ZBTB17: variants seen among roughly 807,000 people sequenced by gnomAD.
The protein encoded by ZBTB17 is zinc finger and BTB domain containing 17.
In ZBTB17, 24 loss-of-function variants were observed where a neutral mutation model predicts 85.1. That is an observed-to-expected ratio of 0.28 (90% CI 0.20 to 0.40). The LOEUF is 0.40. Ranked by LOEUF, ZBTB17 falls within the 10% of genes least tolerant of loss-of-function variation. The pLI is 1.00. For missense variants in ZBTB17, 743 were observed against 1,105.1 expected (o/e 0.67, Z 4.65); for synonymous variants, 464 against 460.2 (o/e 1.01, Z -0.11).
intron 2 of ZBTB17, among the ~76,000 whole-genome samples, chr1:15,967,359 G>A (rs2072480280): frequency 1.3e-5 from 2 of 151,758 alleles, no homozygotes; most frequent in African/African-American, 4.8e-5. Flanking sequence ...CTTGGCCACA[G>A]AGCAAGGCCC....
At chr1:15,963,971 T>G (rs2072349719) in intron 2 of ZBTB17, among the ~76,000 whole-genome samples, 1 of 150,188 alleles carries the variant, frequency 6.7e-6, no homozygotes, top group Non-Finnish European at 1.5e-5. Flanking sequence ...AAAGTAAAAA[T>G]TAGCAGGGTG....
At chr1:15,960,769 G>C (rs187838307) in intron 2 of ZBTB17, among the ~76,000 whole-genome samples, 12 of 152,356 alleles carry the variant, frequency 7.9e-5, no homozygotes, top group African/African-American at 2.9e-4. Flanking sequence ...AAAAAAGCAG[G>C]TTAAGTAAGA....
At chr1:15,949,975 T>TGCC (rs2071771574) in intron 2 of ZBTB17, among the ~76,000 whole-genome samples, 1 of 152,238 alleles carries the variant, frequency 6.6e-6, no homozygotes. Context: ...TTGCTGCTGC[T>TGCC]GCCAGAGGCC....
intron 2 of ZBTB17, among the ~76,000 whole-genome samples, 163 bp downstream of exon 2, chr1:15,972,876 G>A (rs1201424756): frequency 6.6e-6 from 1 of 152,140 alleles, no homozygotes; most frequent in African/African-American, 2.4e-5. Context: ...AACAATAATA[G>A]TAAGATCAAC....
Position 15,941,916 on chromosome 1 carries a change from C to G in ZBTB17, c.*53G>C. The G allele has an allele frequency of 6.5e-7, 1 of 1,549,760 alleles. No individual in the cohort carries two copies. Among genetic ancestry groups the G allele is most frequent in the Non-Finnish European group, 8.7e-7 (1 of 1,151,308 alleles). ...CTCTCTAGGGAACAGGCCACCCTTC[C>G]CGGTTCCAGGGTGCCATCCATCCTT... is the stretch of plus-strand genomic sequence containing the variant. On this transcript the variant is annotated 3_prime_UTR_variant, in exon 16 of 16. Coordinates refer to ENST00000375743, the MANE Select transcript of ZBTB17 (RefSeq NM_003443.3).
chr1:15,945,286 C>T (rs1204648455), intron 6 of ZBTB17, 84 bp from the exon 7 acceptor site: 3 of 1,507,056 alleles, frequency 2.0e-6, no homozygotes, highest in Admixed American at 4.1e-5. Context: ...GTGGAAGGGA[C>T]AGTAAATGGC....
Position 15,952,096 on chromosome 1 carries a change from T to A in ZBTB17, c.-2-3599A>T, listed in dbSNP as rs2071876808. On this transcript the variant is annotated intron_variant, in intron 2 of 15. Coordinates refer to ENST00000375743, the MANE Select transcript of ZBTB17 (RefSeq NM_003443.3). The surrounding 1 kb of genome is among the most constrained non-coding windows in gnomAD (Gnocchi z 4.3). ...TAGTTAAAGCAACTTCTAAGGAAGA[T>A]CCTAAAACCTTAGAACCATAGAAAA... Among the ~76,000 whole-genome samples, 1 of 152,158 alleles carries A rather than the reference T, an allele frequency of 6.6e-6. No homozygotes were observed. Among genetic ancestry groups the A allele is most frequent in the African/African-American group, 2.4e-5 (1 of 41,434 alleles).
intron 12 of ZBTB17, 29 bp downstream of exon 12, chr1:15,943,370 G>T: frequency 1.3e-6 from 2 of 1,581,820 alleles, no homozygotes; most frequent in Non-Finnish European, 1.7e-6. Context: ...GGGGTGTCTG[G>T]CCAGTGGGTG....
chr1:15,970,348 T>C (rs896661311), intron 2 of ZBTB17, among the ~76,000 whole-genome samples: 2 of 146,122 alleles, frequency 1.4e-5, no homozygotes, highest in African/African-American at 5.1e-5. Flanking sequence ...TTGCTCTCAC[T>C]ATGCACTTTG....
intron 2 of ZBTB17, among the ~76,000 whole-genome samples, chr1:15,968,069 C>G (rs1430840488): frequency 6.6e-6 from 1 of 152,124 alleles, no homozygotes; most frequent in Non-Finnish European, 1.5e-5. Flanking sequence ...GAAACCCACC[C>G]CCCACAACAA....
chr1:15,960,405 A>T (rs372466834), intron 2 of ZBTB17, among the ~76,000 whole-genome samples: 1 of 152,186 alleles, frequency 6.6e-6, no homozygotes. Flanking sequence ...CTTGTTCTTA[A>T]TTTTTTAAAA....
In ZBTB17 at chr1:15,944,423, C is replaced by A; in HGVS notation, c.1248G>T (p.Lys416Asn). The A allele has an allele frequency of 6.4e-7, 1 of 1,568,162 alleles. No individual in the cohort carries two copies. The highest frequency in any genetic ancestry group is 8.6e-7 in the Non-Finnish European group (1 of 1,157,138). Residue 416 changes from lysine (K) to asparagine (N), a missense_variant, in exon 9 of 16, where the codon AAG becomes AAT. Lys to Asn is a moderately conservative substitution (Grantham distance 94). Transcript: ENST00000375743. ...GGCCGCAGTAGTCGCACTGGTAGGG[C>A]TTCTCGCCGCTGTGCACCAGCTGGT... ...KRHQLVHSGE[K>N]PYQCDYCGRS...
At chr1:15,971,134 T>C (rs975653777) in intron 2 of ZBTB17, among the ~76,000 whole-genome samples, 3 of 152,088 alleles carry the variant, frequency 2.0e-5, no homozygotes, top group African/African-American at 7.2e-5. Flanking sequence ...ACAACTTCCT[T>C]GTAATAGTAT....
At chr1:15,967,824 G>A (rs769444746) in intron 2 of ZBTB17, among the ~76,000 whole-genome samples, 26 of 152,224 alleles carry the variant, frequency 1.7e-4, no homozygotes, top group Non-Finnish European at 2.6e-4. Context: ...GGTTAGAAAG[G>A]TCAAGTACTT....
At chr1:15,954,725 C>T (rs1274655316) in intron 2 of ZBTB17, among the ~76,000 whole-genome samples, 1 of 152,124 alleles carries the variant, frequency 6.6e-6, no homozygotes, top group Non-Finnish European at 1.5e-5. Context: ...GTGGCACACA[C>T]CTGTGGTTCC....
intron 1 of ZBTB17, among the ~76,000 whole-genome samples, chr1:15,975,723 C>A (rs528077232): frequency 6.6e-6 from 1 of 152,122 alleles, no homozygotes; most frequent in African/African-American, 2.4e-5. Flanking sequence ...TGTCATCCAG[C>A]CCGGGAGGTG....
chr1:15,950,675 C>T (rs1039151124), intron 2 of ZBTB17, among the ~76,000 whole-genome samples: 4 of 152,212 alleles, frequency 2.6e-5, no homozygotes, highest in African/African-American at 4.8e-5. Flanking sequence ...GGAGCCAACC[C>T]GAAACTTGAG....
rs55805725 is a variant in ZBTB17, at chr1:15,951,006, A to C, written c.-2-2509T>G. ...TAGATAATAAAATAGTAAAGGCCCCAAGGACAGGGTGGGTGGTGGCCCAGC... is the reference window on the plus strand; with the variant it reads ...TAGATAATAAAATAGTAAAGGCCCCCAGGACAGGGTGGGTGGTGGCCCAGC... On this transcript the variant is annotated intron_variant, in intron 2 of 15. Coordinates refer to ENST00000375743, the MANE Select transcript of ZBTB17 (RefSeq NM_003443.3). The surrounding 1 kb of genome is among the most constrained non-coding windows in gnomAD (Gnocchi z 4.1). Among the ~76,000 whole-genome samples the C allele has an allele frequency of 0.11, 16,107 of 152,194 alleles. 1,081 individuals carry two copies. The highest frequency in any genetic ancestry group is 0.18 in the African/African-American group (7,511 of 41,492).
At chr1:15,971,333 GTA>G (rs141853016) in intron 2 of ZBTB17, among the ~76,000 whole-genome samples, 21,543 of 144,464 alleles carry the variant, frequency 0.15, 1,763 homozygotes, top group South Asian at 0.2. Flanking sequence ...ATGTGTGTAT[GTA>G]TATATATATA....
Sources: allele counts gnomAD v4.1 joint callset (sites outside exome capture counted in the v4.1 genomes callset), GRCh38; gene constraint gnomAD v4.1.1; non-coding constraint Gnocchi (gnomAD v3.1); transcripts MANE v1.5; gene names NCBI Gene and HGNC (gene_info 2026-07-23, HGNC 2026-07-21).